The following SLC39A11 variants were observed in gnomAD, a reference collection of about 807,000 sequenced individuals.
SLC39A11 encodes the protein solute carrier family 39 member 11, also known as zinc transporter ZIP11.
In SLC39A11, 33 loss-of-function variants were observed where a neutral mutation model predicts 36.1. The observed-to-expected ratio is 0.91, with a 90% CI of 0.69 to 1.22. The LOEUF is 1.22. Ranked by LOEUF, SLC39A11 falls within the 50% of genes most tolerant of loss-of-function variation. The pLI is 0.00. For synonymous variants in SLC39A11, 166 were observed against 170.3 expected (o/e 0.97, Z 0.20); for missense variants, 432 against 430.3 (o/e 1.00, Z -0.03).
intron 5 of SLC39A11, among the ~76,000 whole-genome samples, chr17:72,869,078 G>C (rs759969065): frequency 2.2e-4 from 34 of 152,206 alleles, no homozygotes; most frequent in Non-Finnish European, 2.9e-4. Context: ...GCTTTCTCCA[G>C]CTGATCTCTG....
chr17:72,967,908 TCA>T (rs529024390), intron 4 of SLC39A11, among the ~76,000 whole-genome samples: 150 of 152,274 alleles, frequency 9.9e-4, no homozygotes, highest in African/African-American at 3.5e-3. Context: ...CTCTGCAGTC[TCA>T]GTTCTTTTCC....
At chr17:72,693,368 AT>A (rs2072123186) in intron 7 of SLC39A11, among the ~76,000 whole-genome samples, 1 of 152,206 alleles carries the variant, frequency 6.6e-6, no homozygotes, top group African/African-American at 2.4e-5. Flanking sequence ...CCCATCTTTA[AT>A]CAAAACAGAT....
At chr17:72,860,917 G>GT (rs2079944188) in intron 5 of SLC39A11, among the ~76,000 whole-genome samples, 1 of 152,162 alleles carries the variant, frequency 6.6e-6, no homozygotes, top group Non-Finnish European at 1.5e-5. Context: ...CCAAACGAGG[G>GT]TAATAGTATT....
intron 7 of SLC39A11, among the ~76,000 whole-genome samples, chr17:72,690,930 G>A (rs560653059): frequency 6.6e-5 from 10 of 152,176 alleles, no homozygotes; most frequent in Admixed American, 2.0e-4. Context: ...ACCTGGAAAC[G>A]TCTAGAGTAG....
intron 2 of SLC39A11, among the ~76,000 whole-genome samples, chr17:73,087,921 C>CAGGGATGGA (rs1366154807): frequency 3.9e-5 from 6 of 152,148 alleles, no homozygotes; most frequent in Admixed American, 2.0e-4. Context: ...AACCATCCCA[C>CAGGGATGGA]CCAACTCAAG....
chr17:72,676,069 T>TTC (rs112092073), intron 7 of SLC39A11, among the ~76,000 whole-genome samples: 11,483 of 79,022 alleles, frequency 0.15, 462 homozygotes, highest in South Asian at 0.22. Context: ...CTCACAATGT[T>TTC]TCACACACAC....
At chr17:72,705,668 T>C (rs1185564408) in intron 7 of SLC39A11, among the ~76,000 whole-genome samples, 10 of 152,202 alleles carry the variant, frequency 6.6e-5, no homozygotes, top group Admixed American at 3.9e-4. Flanking sequence ...ACCAAGAGTA[T>C]GAAGGTCCCT....
chr17:72,986,548 C>T (rs1006522912), intron 4 of SLC39A11, among the ~76,000 whole-genome samples: 2 of 152,256 alleles, frequency 1.3e-5, no homozygotes, highest in Admixed American at 1.3e-4. Context: ...CTGCACCCTC[C>T]ACCCCCAGCT....
chr17:72,923,745 G>A (rs1005451037), intron 5 of SLC39A11, among the ~76,000 whole-genome samples: 3 of 152,098 alleles, frequency 2.0e-5, no homozygotes, highest in Non-Finnish European at 2.9e-5. Context: ...GCTCAGAAAA[G>A]AGTTAGCTGG....
intron 7 of SLC39A11, among the ~76,000 whole-genome samples, chr17:72,692,160 T>C (rs1205486953): frequency 6.6e-6 from 1 of 152,074 alleles, no homozygotes; most frequent in African/African-American, 2.4e-5. Flanking sequence ...TACAGGTGCC[T>C]GCCACCACAC....
intron 7 of SLC39A11, among the ~76,000 whole-genome samples, chr17:72,715,916 C>T (rs1413270527): frequency 1.3e-5 from 2 of 152,038 alleles, no homozygotes; most frequent in African/African-American, 2.4e-5. Flanking sequence ...AGGCTGGACT[C>T]GAACTCTTGA....
intron 4 of SLC39A11, among the ~76,000 whole-genome samples, chr17:72,952,365 G>A (rs765989713): frequency 5.6e-4 from 85 of 152,202 alleles, no homozygotes; most frequent in Admixed American, 3.1e-3. Context: ...AGGCCAGCTC[G>A]CTTTGCTAGC....
At chr17:73,061,836 A>G (rs1017514993) in intron 3 of SLC39A11, among the ~76,000 whole-genome samples, 1 of 152,116 alleles carries the variant, frequency 6.6e-6, no homozygotes, top group African/African-American at 2.4e-5. Context: ...CTCTACAAAA[A>G]AACACGAAAA....
chr17:72,981,453 T>A (rs2088292816), intron 4 of SLC39A11, among the ~76,000 whole-genome samples: 1 of 152,216 alleles, frequency 6.6e-6, no homozygotes, highest in African/African-American at 2.4e-5. Context: ...ATTCAACAAA[T>A]GGTATCAAGA....
chr17:72,762,641 C>T (rs1054018171), intron 6 of SLC39A11, among the ~76,000 whole-genome samples: 11 of 152,310 alleles, frequency 7.2e-5, no homozygotes, highest in East Asian at 1.9e-4. Context: ...CTCTGTGACT[C>T]GCCCTGAATT....
intron 6 of SLC39A11, among the ~76,000 whole-genome samples, chr17:72,813,381 A>T (rs1311709038): frequency 6.6e-6 from 1 of 152,186 alleles, no homozygotes; most frequent in Non-Finnish European, 1.5e-5. Context: ...TAAGACACCC[A>T]TTTTCTCTAA....
intron 3 of SLC39A11, among the ~76,000 whole-genome samples, chr17:73,046,203 G>A (rs1308010421): frequency 2.0e-5 from 3 of 152,162 alleles, no homozygotes; most frequent in African/African-American, 7.2e-5. Flanking sequence ...TGGCTCAAAC[G>A]AGCCATGAGG....
At chr17:73,047,476 G>A (rs537908497) in intron 3 of SLC39A11, among the ~76,000 whole-genome samples, 8 of 152,114 alleles carry the variant, frequency 5.3e-5, no homozygotes, top group African/African-American at 1.7e-4. Flanking sequence ...AGTAACACTC[G>A]TAAATAAAAT....
At chr17:72,782,933 C>T (rs1405299865) in intron 6 of SLC39A11, among the ~76,000 whole-genome samples, 5 of 134,204 alleles carry the variant, frequency 3.7e-5, no homozygotes, top group African/African-American at 1.4e-4. Flanking sequence ...ACCCGGGAGG[C>T]GGAGATTGCG....
Sources: gnomAD v4.1 joint callset for allele counts (sites outside exome capture counted in the v4.1 genomes callset) on GRCh38, gnomAD v4.1.1 for gene constraint, MANE v1.5 for transcripts, NCBI Gene and HGNC (gene_info 2026-07-23, HGNC 2026-07-21) for gene names.